The following CSMD1 variants were observed in gnomAD, a reference collection of about 807,000 sequenced individuals.
CSMD1 encodes the protein CUB and Sushi multiple domains 1.
CSMD1 carries 213 observed loss-of-function variants against 417.5 expected under a neutral mutation model. That is an observed-to-expected ratio of 0.51 (90% CI 0.46 to 0.57). CSMD1 has a LOEUF of 0.57. Ranked by LOEUF, CSMD1 falls within the 20% of genes least tolerant of loss-of-function variation. The pLI is 0.00. For synonymous variants in CSMD1, 2,862 were observed against 1,736.8 expected (o/e 1.65, Z -16.11); for missense variants, 6,923 against 4,529.7 (o/e 1.53, Z -15.17).
At chr8:3,890,342 A>G (rs765709783) in intron 5 of CSMD1, among the ~76,000 whole-genome samples, 1 of 152,158 alleles carries the variant, frequency 6.6e-6, no homozygotes. Context: ...TTCAACAGGC[A>G]CTGGGCAGGG....
At chr8:3,029,650 G>T (rs898506230) in intron 50 of CSMD1, 137 bp from the exon 51 acceptor site, 3 of 658,638 alleles carry the variant, frequency 4.6e-6, no homozygotes, top group South Asian at 4.0e-5. Context: ...TATTATCTCA[G>T]TGTTTCTCTA....
At chr8:3,332,913 C>A (rs1338680497) in intron 23 of CSMD1, among the ~76,000 whole-genome samples, 1 of 152,154 alleles carries the variant, frequency 6.6e-6, no homozygotes, top group Non-Finnish European at 1.5e-5. Flanking sequence ...CCAGATGCCA[C>A]GGAAGTGTCT....
At chr8:4,011,107 A>G (rs1482686236) in intron 4 of CSMD1, among the ~76,000 whole-genome samples, 1 of 152,238 alleles carries the variant, frequency 6.6e-6, no homozygotes, top group East Asian at 1.9e-4. Flanking sequence ...AAATAGAAGC[A>G]ATGAAAGATA....
At chr8:3,921,895 G>T (rs997231910) in intron 5 of CSMD1, among the ~76,000 whole-genome samples, 1 of 152,074 alleles carries the variant, frequency 6.6e-6, no homozygotes, top group Non-Finnish European at 1.5e-5. Flanking sequence ...TGTCTGTTAG[G>T]TCCATCTGGT....
chr8:4,740,696 G>C (rs756964072), intron 1 of CSMD1, among the ~76,000 whole-genome samples: 2 of 152,300 alleles, frequency 1.3e-5, no homozygotes, highest in Admixed American at 1.3e-4. Context: ...AGGAGGGTGA[G>C]GTTGAAGTGA....
At chr8:3,522,816 A>G (rs1047409404) in intron 10 of CSMD1, among the ~76,000 whole-genome samples, 1 of 151,440 alleles carries the variant, frequency 6.6e-6, no homozygotes, top group Non-Finnish European at 1.5e-5. Context: ...TAAATTACGT[A>G]TTTTATTTGA....
At chr8:4,767,670 G>C (rs953368103) in intron 1 of CSMD1, among the ~76,000 whole-genome samples, 1 of 152,082 alleles carries the variant, frequency 6.6e-6, no homozygotes. Context: ...GCTACCCACA[G>C]TCACCTTTTT....
intron 17 of CSMD1, among the ~76,000 whole-genome samples, chr8:3,394,027 TATATATA>T (rs1811530677): frequency 4.8e-5 from 3 of 63,024 alleles, no homozygotes; most frequent in African/African-American, 2.0e-4. Flanking sequence ...TATATATATA[TATATATA>T]TATATATATA....
At chr8:3,496,027 T>G (rs1394153607) in intron 10 of CSMD1, among the ~76,000 whole-genome samples, 1 of 152,174 alleles carries the variant, frequency 6.6e-6, no homozygotes, top group Non-Finnish European at 1.5e-5. Flanking sequence ...AAGCCCAGCA[T>G]GCATTAGCTC....
chr8:4,153,400 T>C (rs1366176347), intron 3 of CSMD1, among the ~76,000 whole-genome samples: 1 of 152,212 alleles, frequency 6.6e-6, no homozygotes, highest in Non-Finnish European at 1.5e-5. Context: ...AGTTCTAGGT[T>C]CCCTAGCCTC....
intron 3 of CSMD1, among the ~76,000 whole-genome samples, chr8:4,106,177 C>A (rs1474887893): frequency 6.6e-6 from 1 of 152,102 alleles, no homozygotes; most frequent in Non-Finnish European, 1.5e-5. Flanking sequence ...GCGTCTGTGC[C>A]TGATGGACAC....
At position 3,249,201 on chromosome 8, in the gene CSMD1, C is replaced by T. The variant is rs185434215; in HGVS notation, c.4154-18970G>A. ...AAACGATATGAAGAATCAAGATGCA[C>T]TGTGAGTTCTTTTTGTTGCTGCTGC... On this transcript the variant is annotated intron_variant, in intron 26 of 69. Coordinates refer to ENST00000635120, the MANE Select transcript of CSMD1 (RefSeq NM_033225.6). Among the ~76,000 whole-genome samples, 42 of 152,192 alleles carry T rather than the reference C, an allele frequency of 2.8e-4. 1 individual carries two copies. The East Asian group carries it at 7.7e-3, about 28-fold the overall frequency.
chr8:3,624,410 G>C (rs113245131), intron 7 of CSMD1, among the ~76,000 whole-genome samples: 25 of 152,240 alleles, frequency 1.6e-4, no homozygotes, highest in African/African-American at 5.8e-4. Context: ...TTTATATTTG[G>C]AATAAATAAA....
At chr8:4,030,039 G>A (rs1797260901) in intron 4 of CSMD1, among the ~76,000 whole-genome samples, 2 of 152,244 alleles carry the variant, frequency 1.3e-5, no homozygotes, top group Middle Eastern at 3.4e-3. Flanking sequence ...AACAGTCTTG[G>A]GCAGGTGTAC....
chr8:3,541,386 G>C (rs920480495), intron 10 of CSMD1, among the ~76,000 whole-genome samples: 9 of 152,200 alleles, frequency 5.9e-5, no homozygotes, highest in Non-Finnish European at 7.4e-5. Flanking sequence ...AGGGGAGCTG[G>C]GGAGGGAGAG....
intron 32 of CSMD1, among the ~76,000 whole-genome samples, 154 bp from the exon 33 acceptor site, chr8:3,199,963 T>C (rs1016674612): frequency 6.6e-6 from 1 of 152,218 alleles, no homozygotes. Flanking sequence ...ATATGTTGTT[T>C]TTATAAAGAT....
At chr8:3,773,375 A>G in intron 5 of CSMD1, among the ~76,000 whole-genome samples, 1 of 152,124 alleles carries the variant, frequency 6.6e-6, no homozygotes, top group Admixed American at 6.6e-5. Context: ...CCTCGACTAC[A>G]GTGAAGGCTC....
At chr8:3,096,172 G>C (rs1345895019) in intron 47 of CSMD1, among the ~76,000 whole-genome samples, 1 of 152,072 alleles carries the variant, frequency 6.6e-6, no homozygotes, top group African/African-American at 2.4e-5. Context: ...TCAAATAATG[G>C]TTAAAGAAAA....
At chr8:3,967,409 G>T (rs76982129) in intron 5 of CSMD1, among the ~76,000 whole-genome samples, 2,093 of 151,742 alleles carry the variant, frequency 0.014, 45 homozygotes, top group African/African-American at 0.049. Context: ...CATTCAACCT[G>T]TATCACCTGA....
Sources: gnomAD v4.1 joint callset for allele counts (sites outside exome capture counted in the v4.1 genomes callset) on GRCh38, gnomAD v4.1.1 for gene constraint, MANE v1.5 for transcripts, NCBI Gene and HGNC (gene_info 2026-07-23, HGNC 2026-07-21) for gene names.